ATP8A2: variants seen among roughly 807,000 people sequenced by gnomAD.
The protein encoded by ATP8A2 is ATPase phospholipid transporting 8A2.
Under a neutral mutation model 165.6 loss-of-function variants are expected in ATP8A2, and 100 were observed. That is an observed-to-expected ratio of 0.60 (90% CI 0.51 to 0.71). ATP8A2 has a LOEUF of 0.71. Ranked by LOEUF, ATP8A2 falls within the 30% of genes least tolerant of loss-of-function variation. The probability of loss-of-function intolerance (pLI) is 0.00; values close to 1 mark genes in which losing one functional copy is unlikely to be tolerated. For synonymous variants in ATP8A2, 543 were observed against 548.8 expected, an observed-to-expected ratio of 0.99 and a Z score of 0.15; for missense variants, 1,227 against 1,479.5, an observed-to-expected ratio of 0.83 and a Z score of 2.80.
At chr13:25,525,830 C>T (rs1184733748) in intron 2 of ATP8A2, among the ~76,000 whole-genome samples, 1 of 152,010 alleles carries the variant, frequency 6.6e-6, no homozygotes, top group African/African-American at 2.4e-5. Context: ...CATTCCTGTA[C>T]CTGGATGTTT....
At chr13:25,690,164 A>G (rs1163079362) in intron 24 of ATP8A2, among the ~76,000 whole-genome samples, 1 of 151,664 alleles carries the variant, frequency 6.6e-6, no homozygotes, top group East Asian at 1.9e-4. Flanking sequence ...GAGCCCTGTC[A>G]CAACTGTTAG....
chr13:25,973,586 A>G, intron 35 of ATP8A2, among the ~76,000 whole-genome samples: 1 of 152,194 alleles, frequency 6.6e-6, no homozygotes, highest in East Asian at 1.9e-4. Flanking sequence ...AAAAAATGAA[A>G]CAACACAAAC....
Position 25,840,945 on chromosome 13 carries a change from T to C in ATP8A2, c.2956+1321T>C, listed in dbSNP as rs796667155. Among the ~76,000 whole-genome samples, 14 of 152,346 alleles carry C rather than the reference T, an allele frequency of 9.2e-5. 1 individual carries two copies. Among genetic ancestry groups the C allele is most frequent in the Admixed American group, 3.3e-4 (5 of 15,308 alleles). ...CCACAAGTACTCTCTGAAGACCCCT[T>C]ACCACTTCTTATCTAGACATCCTAC... On this transcript the variant is annotated intron_variant, in intron 30 of 36. Transcript: ENST00000381655.
At chr13:25,468,838 A>G (rs982443570) in intron 1 of ATP8A2, 139 bp from the exon 2 acceptor site, 66 of 1,357,002 alleles carry the variant, frequency 4.9e-5, no homozygotes, top group African/African-American at 3.8e-4. Context: ...AGGGGGAGCC[A>G]AGGTACGTAG....
chr13:25,850,750 T>TG lies in ATP8A2; in HGVS notation c.2957-9444dup, dbSNP rs552523211. Among the ~76,000 whole-genome samples, 6 of 152,334 alleles carry TG rather than the reference T, an allele frequency of 3.9e-5. No homozygotes were observed. The South Asian group carries it at 8.3e-4, about 21-fold the overall frequency. ...GGGAAGGAATATTTTGTCAGCAACT[T>TG]GCTTTAGGAATAAACTGGACAATCG... is the stretch of plus-strand genomic sequence containing the variant. On this transcript the variant is annotated intron_variant, in intron 30 of 36. Coordinates refer to ENST00000381655, the MANE Select transcript of ATP8A2 (RefSeq NM_016529.6).
At chr13:25,635,045 C>G (rs1438041600) in intron 24 of ATP8A2, among the ~76,000 whole-genome samples, 1 of 152,270 alleles carries the variant, frequency 6.6e-6, no homozygotes, top group African/African-American at 2.4e-5. Context: ...TTTGCATTCA[C>G]TGGTGTGTGC....
chr13:25,502,313 T>A (rs1427866395), intron 2 of ATP8A2, among the ~76,000 whole-genome samples: 1 of 152,228 alleles, frequency 6.6e-6, no homozygotes, highest in African/African-American at 2.4e-5. Context: ...CGGGAGCTAT[T>A]TGGCTACATA....
chr13:25,372,166 A>T lies in ATP8A2; in HGVS notation c.-47A>T. The T allele has an allele frequency of 7.4e-7, 1 of 1,345,926 alleles. No individual in the cohort carries two copies. The highest frequency in any genetic ancestry group is 9.8e-7 in the Non-Finnish European group (1 of 1,022,254). The allele number at this position is 1,345,926 out of a possible 1,614,324, so 83.4% of individuals were successfully genotyped here. ...GGCCCCTGCGCCCAGCCCTGCGCGT[A>T]GCCTCCGTCTCTCGCCCGGGGCCGC... On this transcript the variant is annotated 5_prime_UTR_variant, in exon 1 of 37. Coordinates refer to ENST00000381655, the MANE Select transcript of ATP8A2 (RefSeq NM_016529.6). The surrounding 1 kb of genome is among the most constrained non-coding windows in gnomAD (Gnocchi z 4.8).
intron 33 of ATP8A2, among the ~76,000 whole-genome samples, chr13:25,911,736 A>G (rs1954112362): frequency 6.6e-6 from 1 of 152,196 alleles, no homozygotes; most frequent in Admixed American, 6.5e-5. Context: ...TGCTCGTTTT[A>G]TAGAAGAGGC....
chr13:25,546,831 C>G (rs7327236), intron 10 of ATP8A2, among the ~76,000 whole-genome samples: 18,333 of 152,126 alleles, frequency 0.12, 1,342 homozygotes, highest in Non-Finnish European at 0.18. Context: ...TAGTAGGATT[C>G]AAAACACAGG....
intron 1 of ATP8A2, among the ~76,000 whole-genome samples, chr13:25,397,556 A>G (rs2033471404): frequency 6.6e-6 from 1 of 151,976 alleles, no homozygotes; most frequent in African/African-American, 2.4e-5. Flanking sequence ...CTGGGGACCC[A>G]TTTTTCTCTT....
rs1433670370 is a variant in ATP8A2 at position 25,558,963 on chromosome 13, T to G, written c.1264-10T>G. 18 of 1,568,732 alleles carry G rather than the reference T, an allele frequency of 1.1e-5. No homozygotes were observed. Among genetic ancestry groups the G allele is most frequent in the Non-Finnish European group, 1.5e-5 (17 of 1,146,126 alleles). ...TTCCTGATGTATATTTCTTTTATTC[T>G]TTGGTTTAGGTGAAATATCTCTTTT... On this transcript the variant is annotated splice_polypyrimidine_tract_variant and intron_variant, in intron 13 of 36. Transcript: ENST00000381655.
chr13:25,586,681 T>A (rs952780664), intron 23 of ATP8A2, among the ~76,000 whole-genome samples: 2 of 152,246 alleles, frequency 1.3e-5, no homozygotes, highest in African/African-American at 4.8e-5. Flanking sequence ...GGTACCATGT[T>A]GAATCCTGTG....
At chr13:25,881,035 TTGCTGGAGG>T (rs1411981053) in intron 33 of ATP8A2, 2 of 409,486 alleles carry the variant, frequency 4.9e-6, no homozygotes, top group Non-Finnish European at 4.9e-6. Flanking sequence ...AGGATATTTA[TTGCTGGAGG>T]TATTACATGT....
intron 25 of ATP8A2, among the ~76,000 whole-genome samples, chr13:25,703,077 GTTGT>G: frequency 6.6e-6 from 1 of 152,022 alleles, no homozygotes; most frequent in Non-Finnish European, 1.5e-5. Flanking sequence ...CTTTTTTGTT[GTTGT>G]TTTTGTTTGT....
At chr13:25,548,183 G>C (rs911765990) in intron 10 of ATP8A2, among the ~76,000 whole-genome samples, 1 of 152,110 alleles carries the variant, frequency 6.6e-6, no homozygotes, top group Non-Finnish European at 1.5e-5. Flanking sequence ...CCATGATCAC[G>C]CCACTGCACT....
At chr13:25,545,283 C>G (rs542405628) in intron 10 of ATP8A2, among the ~76,000 whole-genome samples, 38 of 152,214 alleles carry the variant, frequency 2.5e-4, no homozygotes, top group African/African-American at 9.1e-4. Flanking sequence ...TTTAGTGTAT[C>G]TGAAGTGTGC....
chr13:25,473,960 G>A (rs775220635), intron 2 of ATP8A2, among the ~76,000 whole-genome samples: 18 of 152,154 alleles, frequency 1.2e-4, no homozygotes, highest in Non-Finnish European at 2.2e-4. Context: ...TCAGACATAT[G>A]TAATCTTTCT....
chr13:25,800,925 G>A (rs1031900512), intron 27 of ATP8A2, among the ~76,000 whole-genome samples: 1 of 152,120 alleles, frequency 6.6e-6, no homozygotes, highest in Non-Finnish European at 1.5e-5. Context: ...CTGAGCAGAG[G>A]CAGCAGAAAG....
Sources: gnomAD v4.1 joint callset for allele counts (sites outside exome capture counted in the v4.1 genomes callset) on GRCh38, gnomAD v4.1.1 for gene constraint, Gnocchi (gnomAD v3.1) non-coding constraint, MANE v1.5 for transcripts, NCBI Gene and HGNC (gene_info 2026-07-23, HGNC 2026-07-21) for gene names.